Variants in CNBD1 observed in about 807,000 individuals in gnomAD.
CNBD1 encodes cyclic nucleotide binding domain containing 1, also known as cyclic nucleotide-binding domain-containing protein 1.
In CNBD1, 71 loss-of-function variants were observed where a neutral mutation model predicts 54.4. The ratio of observed to expected loss-of-function variants is 1.30; its 90% confidence interval spans 1.08 to 1.59. The LOEUF (loss-of-function observed/expected upper bound fraction) is 1.59. Ranked by LOEUF, CNBD1 falls within the 40% of genes most tolerant of loss-of-function variation. The pLI, the probability that CNBD1 is intolerant of heterozygous loss-of-function variation, is 0.00. For synonymous variants in CNBD1, 182 were observed against 170.7 expected, an observed-to-expected ratio of 1.07 and a Z score of -0.51; for missense variants, 659 against 518.0, an observed-to-expected ratio of 1.27 and a Z score of -2.64.
intron 6 of CNBD1, among the ~76,000 whole-genome samples, chr8:87,239,191 T>G (rs546277400): frequency 6.6e-6 from 1 of 152,286 alleles, no homozygotes; most frequent in South Asian, 2.1e-4. Flanking sequence ...AATTTTAACT[T>G]GCAGCAACTC....
At chr8:87,240,772 C>T (rs1029783852) in intron 6 of CNBD1, among the ~76,000 whole-genome samples, 4 of 152,078 alleles carry the variant, frequency 2.6e-5, no homozygotes, top group African/African-American at 9.7e-5. Context: ...AATATAGGCT[C>T]GTTTTCTCAG....
At chr8:87,002,110 C>T (rs1392106267) in intron 4 of CNBD1, among the ~76,000 whole-genome samples, 1 of 152,120 alleles carries the variant, frequency 6.6e-6, no homozygotes, top group Non-Finnish European at 1.5e-5. Context: ...GGCTCCAAGT[C>T]CTTGCCTCTT....
chr8:87,223,646 G>A (rs1486311209), intron 5 of CNBD1, among the ~76,000 whole-genome samples: 10 of 151,886 alleles, frequency 6.6e-5, no homozygotes, highest in African/African-American at 2.4e-4. Context: ...TATCATTGTT[G>A]GACATTTGGG....
chr8:87,232,815 A>G (rs1459742273), intron 5 of CNBD1, among the ~76,000 whole-genome samples: 2 of 152,264 alleles, frequency 1.3e-5, no homozygotes, highest in African/African-American at 4.8e-5. Flanking sequence ...AATCTGAACT[A>G]TGATGAAGAA....
At chr8:87,321,627 C>G (rs1439982787) in intron 8 of CNBD1, among the ~76,000 whole-genome samples, 1 of 152,000 alleles carries the variant, frequency 6.6e-6, no homozygotes, top group Non-Finnish European at 1.5e-5. Context: ...AATATTTTCT[C>G]TCATTCCATA....
chr8:87,001,514 T>C (rs1808992218), intron 4 of CNBD1, among the ~76,000 whole-genome samples: 1 of 152,158 alleles, frequency 6.6e-6, no homozygotes, highest in Admixed American at 6.5e-5. Context: ...ATGTGACTTT[T>C]TGGTCTTTTT....
chr8:86,920,881 A>ATG, intron 3 of CNBD1, among the ~76,000 whole-genome samples: 1 of 151,370 alleles, frequency 6.6e-6, no homozygotes, highest in South Asian at 2.1e-4. Flanking sequence ...TGTAATACTC[A>ATG]TTTTTTTTTC....
At chr8:87,296,577 G>A (rs1183439246) in intron 8 of CNBD1, among the ~76,000 whole-genome samples, 3 of 150,676 alleles carry the variant, frequency 2.0e-5, no homozygotes, top group African/African-American at 7.3e-5. Flanking sequence ...AAAGTAATTA[G>A]TATCTATATA....
intron 8 of CNBD1, among the ~76,000 whole-genome samples, chr8:87,348,470 G>A (rs1005003213): frequency 3.7e-4 from 57 of 152,120 alleles, no homozygotes; most frequent in Non-Finnish European, 7.6e-4. Context: ...TCTCAAAAGG[G>A]AAAATAAAGT....
rs1808997251 is a variant in CNBD1, at chr8:86,905,109, C to T, written c.187C>T (p.His63Tyr). Residue 63 changes from histidine (H) to tyrosine (Y), a missense_variant, in exon 3 of 11, where the codon CAC becomes TAC. Transcript: ENST00000518476. The part of the protein sequence containing the change: ...SRSMSNILSA[H>Y]DTFMKQYPKV... Reference sequence around the variant, plus strand: ...GAGTATGAGCAATATCTTATCAGCTCACGATACATTTATGAAGCAATATCC... The same window carrying T: ...GAGTATGAGCAATATCTTATCAGCTTACGATACATTTATGAAGCAATATCC... 3 of 1,611,298 alleles carry T rather than the reference C, an allele frequency of 1.9e-6. No homozygotes were observed. Among genetic ancestry groups the T allele is most frequent in the Non-Finnish European group, 2.5e-6 (3 of 1,178,190 alleles).
chr8:86,969,605 G>A (rs971498510), intron 4 of CNBD1, among the ~76,000 whole-genome samples: 2 of 151,822 alleles, frequency 1.3e-5, no homozygotes, highest in Non-Finnish European at 2.9e-5. Flanking sequence ...AGTAGAAAAG[G>A]CATACAAATT....
At chr8:87,400,465 C>T (rs1056144055) in intron 2 of CNBD1, among the ~76,000 whole-genome samples, 1 of 151,902 alleles carries the variant, frequency 6.6e-6, no homozygotes. Context: ...GAAATAAGAG[C>T]AGTATCTTAA....
chr8:86,946,291 T>C (rs1416756105), intron 4 of CNBD1, among the ~76,000 whole-genome samples: 1 of 152,188 alleles, frequency 6.6e-6, no homozygotes, highest in African/African-American at 2.4e-5. Flanking sequence ...ATTACTTCTT[T>C]ATCATATATT....
chr8:86,967,031 T>A (rs35614204), intron 4 of CNBD1, among the ~76,000 whole-genome samples: 7,277 of 152,218 alleles, frequency 0.048, 330 homozygotes, highest in East Asian at 0.21. Flanking sequence ...AGAGCACTGA[T>A]TGGTGCATTT....
rs545017563 is a variant in CNBD1, at chr8:87,023,707, T to A, written c.431+83953T>A. ...CAGGCTTAATCACACTGAGTTAGAA[T>A]CCCTAACCACTATCTTAATGAGTGA... On this transcript the variant is annotated intron_variant, in intron 4 of 10. Coordinates refer to ENST00000518476, the MANE Select transcript of CNBD1 (RefSeq NM_173538.3). Among the ~76,000 whole-genome samples the A allele has an allele frequency of 3.3e-5, 5 of 152,328 alleles. No homozygotes were observed. In the South Asian group the frequency reaches 1.0e-3, roughly 32 times the overall value.
intron 4 of CNBD1, among the ~76,000 whole-genome samples, chr8:87,114,412 T>G (rs184042583): frequency 9.9e-4 from 151 of 152,256 alleles, no homozygotes; most frequent in African/African-American, 3.4e-3. Context: ...GTGCAGTGGC[T>G]TGATCTTGTC....
chr8:87,417,906 G>T (rs1196325128), intron 2 of CNBD1, among the ~76,000 whole-genome samples: 1 of 151,416 alleles, frequency 6.6e-6, no homozygotes, highest in Admixed American at 6.6e-5. Flanking sequence ...ATAAATTAGA[G>T]AAAACATAAA....
intron 3 of CNBD1, among the ~76,000 whole-genome samples, chr8:86,921,144 C>T (rs1422711725): frequency 6.6e-6 from 1 of 152,086 alleles, no homozygotes; most frequent in Non-Finnish European, 1.5e-5. Flanking sequence ...CTGAAATTAC[C>T]CATATGATAC....
intron 4 of CNBD1, among the ~76,000 whole-genome samples, chr8:86,976,607 A>G (rs1808348253): frequency 6.6e-6 from 1 of 151,892 alleles, no homozygotes. Flanking sequence ...ATTGAATTTA[A>G]TCCCTAGATT....
Sources: gnomAD v4.1 joint callset for allele counts (sites outside exome capture counted in the v4.1 genomes callset) on GRCh38, gnomAD v4.1.1 for gene constraint, MANE v1.5 for transcripts, NCBI Gene and HGNC (gene_info 2026-07-23, HGNC 2026-07-21) for gene names.